Variants in ITGA9 observed in about 807,000 individuals in gnomAD.
The protein encoded by ITGA9 is integrin subunit alpha 9, also known as integrin alpha-9.
A neutral mutation model predicts 127.8 loss-of-function variants in ITGA9; 56 were observed. That is an observed-to-expected ratio of 0.44 (90% CI 0.35 to 0.55). ITGA9 has a LOEUF of 0.55. Among genes scored for constraint, ITGA9 ranks in the 20% least tolerant of loss-of-function variants. ITGA9 has a pLI of 0.00. For missense variants in ITGA9, 1,196 were observed against 1,347.1 expected (o/e 0.89, Z 1.76); for synonymous variants, 508 against 514.5 (o/e 0.99, Z 0.17).
At chr3:37,760,007 G>T (rs1696704481) in intron 23 of ITGA9, among the ~76,000 whole-genome samples, 1 of 151,966 alleles carries the variant, frequency 6.6e-6, no homozygotes, top group Admixed American at 6.6e-5. Flanking sequence ...CGGGTGTGAG[G>T]TTAGGAGTTC....
intron 16 of ITGA9, among the ~76,000 whole-genome samples, chr3:37,643,780 C>A (rs1357415519): frequency 6.6e-6 from 1 of 152,080 alleles, no homozygotes; most frequent in Non-Finnish European, 1.5e-5. Context: ...TGCACTTATA[C>A]CTGGAGCCTT....
rs150097338 is a variant in ITGA9, at chr3:37,542,553, G to A, written c.1657G>A (p.Glu553Lys). The change falls in exon 15 of 28, where the codon GAG (glutamate) becomes AAG (lysine). Residue 553 changes from glutamate (E) to lysine (K), a missense_variant. Transcript: ENST00000264741. ...TEKLQLTYME[E>K]TCRHYVAHVK... Reference sequence around the variant, plus strand: ...GAAGCTGCAGCTGACTTACATGGAGGAGACGTGTCGTCACTATGTGGCCCA... The same window carrying A: ...GAAGCTGCAGCTGACTTACATGGAGAAGACGTGTCGTCACTATGTGGCCCA... The A allele has an allele frequency of 4.3e-5, 69 of 1,614,060 alleles. No individual in the cohort carries two copies. The African/African-American group carries it at 8.7e-4, about 20-fold the overall frequency.
chr3:37,452,529 T>G lies in ITGA9; in HGVS notation c.155T>G (p.Val52Gly). The G allele has an allele frequency of 6.6e-7, 1 of 1,526,474 alleles. No homozygotes were observed. 94.6% of individuals were successfully genotyped at this position (1,526,474 alleles called of 1,614,324 possible). Residue 52 changes from valine (V) to glycine (G), a missense_variant, in exon 1 of 28, where the codon GTT (valine) becomes GGT (glycine). Val to Gly is a moderately radical substitution (Grantham distance 109, BLOSUM62 -3). Transcript: ENST00000264741. The surrounding 1 kb of genome is among the most constrained non-coding windows in gnomAD (Gnocchi z 7.3). ...GCTGACTCGTTCTTCGGCTACGCAG[T>G]TCTGGAGCATTTCCACGACAACACG... Reference protein sequence around the residue: ...GPADSFFGYAVLEHFHDNTRW... With the variant: ...GPADSFFGYAGLEHFHDNTRW...
chr3:37,616,101 T>C (rs925852712), intron 15 of ITGA9, among the ~76,000 whole-genome samples: 11 of 152,258 alleles, frequency 7.2e-5, no homozygotes, highest in African/African-American at 2.4e-4. Flanking sequence ...TGTGGGCATT[T>C]AGTGCTGTAA....
In ITGA9 at chr3:37,534,360, T is replaced by G. The variant is rs1418155469; in HGVS notation, c.1528+892T>G. Among the ~76,000 whole-genome samples the G allele has an allele frequency of 2.0e-5, 3 of 152,236 alleles. No individual in the cohort carries two copies. The East Asian group carries it at 5.8e-4, about 29-fold the overall frequency. On this transcript the variant is annotated intron_variant, in intron 14 of 27. Transcript: ENST00000264741. ...CCTGGCCTAGCATTGTCAGCATCAC[T>G]GGGAACTTGTTAGAAATGCAGGACT...
intron 15 of ITGA9, among the ~76,000 whole-genome samples, chr3:37,622,086 A>G (rs1700133689): frequency 6.6e-6 from 1 of 150,422 alleles, no homozygotes; most frequent in Admixed American, 6.6e-5. Context: ...TTTGTTTAAA[A>G]TTATTTTAGA....
chr3:37,627,900 G>A (rs1260222738), intron 15 of ITGA9, among the ~76,000 whole-genome samples: 1 of 152,214 alleles, frequency 6.6e-6, no homozygotes, highest in East Asian at 1.9e-4. Flanking sequence ...TGGACTGGAT[G>A]GATACCTAAG....
At chr3:37,684,464 G>C (rs1426752547) in intron 18 of ITGA9, among the ~76,000 whole-genome samples, 2 of 152,114 alleles carry the variant, frequency 1.3e-5, no homozygotes, top group Admixed American at 6.6e-5. Flanking sequence ...GCTTTGGCCT[G>C]TGCTTTGGAT....
chr3:37,515,177 A>G (rs1407408409), intron 9 of ITGA9, among the ~76,000 whole-genome samples: 1 of 152,254 alleles, frequency 6.6e-6, no homozygotes, highest in South Asian at 2.1e-4. Context: ...TGAAAACTGC[A>G]TGTACAACCA....
At chr3:37,533,498 T>G (rs1699178898) in intron 14 of ITGA9, 30 bp downstream of exon 14, 1 of 1,610,962 alleles carries the variant, frequency 6.2e-7, no homozygotes, top group East Asian at 2.2e-5. Context: ...GGGCTCAGGA[T>G]ACCCGTTTAG....
chr3:37,702,136 C>T lies in ITGA9; in HGVS notation c.2067+18121C>T, dbSNP rs552236027. ...AGAAGGGCTTAGGGTGGTGAGGGTA[C>T]AGGTCTACCTGTGAAGCTGAGTGAT... On this transcript the variant is annotated intron_variant, in intron 18 of 27. Transcript: ENST00000264741. Among the ~76,000 whole-genome samples, 32 of 152,286 alleles carry T rather than the reference C, an allele frequency of 2.1e-4. No homozygotes were observed. The South Asian group carries it at 5.2e-3, about 25-fold the overall frequency.
intron 15 of ITGA9, among the ~76,000 whole-genome samples, chr3:37,599,262 G>A (rs1253622328): frequency 6.6e-6 from 1 of 152,208 alleles, no homozygotes; most frequent in African/African-American, 2.4e-5. Context: ...CTGCTGATCT[G>A]GGTGGGGCGT....
At chr3:37,660,247 T>C (rs915978820) in intron 17 of ITGA9, among the ~76,000 whole-genome samples, 1 of 152,158 alleles carries the variant, frequency 6.6e-6, no homozygotes, top group African/African-American at 2.4e-5. Flanking sequence ...TAATTTTAAA[T>C]AGGCCTTCCA....
At chr3:37,563,783 G>GC (rs1378001108) in intron 15 of ITGA9, among the ~76,000 whole-genome samples, 3 of 152,196 alleles carry the variant, frequency 2.0e-5, no homozygotes. Flanking sequence ...AGCAGACACT[G>GC]GGTGTGGCTT....
chr3:37,502,915 G>A (rs948202977), intron 5 of ITGA9, among the ~76,000 whole-genome samples: 1 of 152,204 alleles, frequency 6.6e-6, no homozygotes, highest in Non-Finnish European at 1.5e-5. Flanking sequence ...TGGTCTCATC[G>A]TGGATAGAAT....
At chr3:37,659,083 A>G (rs971926529) in intron 17 of ITGA9, among the ~76,000 whole-genome samples, 2 of 152,148 alleles carry the variant, frequency 1.3e-5, no homozygotes, top group African/African-American at 4.8e-5. Context: ...TGGGTAACCC[A>G]ACCTTTCTCT....
intron 15 of ITGA9, among the ~76,000 whole-genome samples, chr3:37,620,496 T>G (rs1465413296): frequency 6.6e-6 from 1 of 152,146 alleles, no homozygotes; most frequent in East Asian, 1.9e-4. Context: ...TTCTCTAATC[T>G]TCACAACAAG....
intron 8 of ITGA9, among the ~76,000 whole-genome samples, chr3:37,512,056 CTTT>C (rs1698921666): frequency 6.8e-5 from 3 of 44,412 alleles, no homozygotes; most frequent in African/African-American, 2.1e-4. Context: ...TTCTTTCTTT[CTTT>C]CTTTCTTTCT....
At chr3:37,571,179 G>T (rs763301217) in intron 15 of ITGA9, among the ~76,000 whole-genome samples, 17 of 151,672 alleles carry the variant, frequency 1.1e-4, no homozygotes, top group Non-Finnish European at 2.4e-4. Flanking sequence ...CCAGGCTAGG[G>T]TCCAACTCAG....
Sources: gnomAD v4.1 joint callset for allele counts (sites outside exome capture counted in the v4.1 genomes callset) on GRCh38, gnomAD v4.1.1 for gene constraint, Gnocchi (gnomAD v3.1) non-coding constraint, MANE v1.5 for transcripts, NCBI Gene and HGNC (gene_info 2026-07-23, HGNC 2026-07-21) for gene names.